ZNF436: variants seen among roughly 807,000 people sequenced by gnomAD.
ZNF436 encodes the protein DNA-binding protein.
Under a neutral mutation model 41.9 loss-of-function variants are expected in ZNF436, and 22 were observed. The ratio of observed to expected loss-of-function variants is 0.53; its 90% confidence interval spans 0.38 to 0.75. ZNF436 has a LOEUF of 0.75. ZNF436 is among the 30% of genes least tolerant of loss of function. ZNF436 has a pLI of 0.00. For synonymous variants in ZNF436, 217 were observed against 197.8 expected (o/e 1.10, Z -0.82); for missense variants, 506 against 587.3 (o/e 0.86, Z 1.43).
chr1:23,368,119 C>A, intron 1 of ZNF436, 54 bp from the exon 2 acceptor site: 2 of 1,227,560 alleles, frequency 1.6e-6, no homozygotes, highest in Non-Finnish European at 1.2e-6. Flanking sequence ...CCTGCCCACT[C>A]CCCAGGGCTG....
Position 23,368,955 on chromosome 1 carries a change from C to T in ZNF436, c.-61+411G>A, listed in dbSNP as rs1638431278. On this transcript the variant is annotated intron_variant, in intron 1 of 3. Transcript: ENST00000314011. ...ACAACTCCCGAGAGGCCCCGCGCCG[C>T]CCCGCGCCGGGGCGACTCGGGAGTG... 5 of 157,014 alleles carry T rather than the reference C, an allele frequency of 3.2e-5. No homozygotes were observed. In the South Asian group the frequency reaches 6.5e-4, roughly 20 times the overall value. 9.7% of individuals were successfully genotyped at this position (157,014 alleles called of 1,614,324 possible).
chr1:23,368,288 G>T, intron 1 of ZNF436: 2 of 443,614 alleles, frequency 4.5e-6, no homozygotes, highest in South Asian at 2.8e-5. Context: ...GGTCCCTCCC[G>T]CGCCGGGGGT....
Position 23,368,266 on chromosome 1 carries a change from GC to G in ZNF436, c.-60-202del, listed in dbSNP as rs1042062252. On this transcript the variant is annotated intron_variant, in intron 1 of 3. Coordinates refer to ENST00000314011, the MANE Select transcript of ZNF436 (RefSeq NM_001077195.2). ...GGCAATGCCGGAATCTACTAGGACA[GC>G]CCCCTGGCTGGGTCCCTCCCGCGCC... 12 of 502,042 alleles carry G rather than the reference GC, an allele frequency of 2.4e-5. No individual in the cohort carries two copies. The Admixed American group carries it at 3.0e-4, about 13-fold the overall frequency. The allele number at this position is 502,042 out of a possible 1,614,324, so 31.1% of individuals were successfully genotyped here. A position where few individuals can be genotyped will look rare whatever the true frequency, so the allele number is the denominator to read the frequency against.
chr1:23,368,102 A>G, intron 1 of ZNF436, 37 bp from the exon 2 acceptor site: 1 of 1,408,052 alleles, frequency 7.1e-7, no homozygotes, highest in Non-Finnish European at 9.9e-7. Flanking sequence ...AGGCACGGAA[A>G]ACAGGCCCTG....
At position 23,367,038 on chromosome 1, in the gene ZNF436, T is replaced by C. The variant is rs1194717535; in HGVS notation, c.160+4A>G. The C allele has an allele frequency of 6.2e-7, 1 of 1,608,730 alleles. No homozygotes were observed. The highest frequency in any genetic ancestry group is 1.3e-5 in the African/African-American group (1 of 74,734). ...AGGCAAAGAAAGGTAGAATCCTTAC[T>C]TACCTAGTGAGACAACATTTCCATA... On this transcript the variant is annotated splice_donor_region_variant and intron_variant, in intron 3 of 3. Transcript: ENST00000314011.
Position 23,362,541 on chromosome 1 carries a change from T to C in ZNF436, c.841A>G (p.Asn281Asp). Residue 281 changes from asparagine to aspartate, a missense_variant, in exon 4 of 4, where the codon AAC becomes GAC. Asn to Asp is a conservative substitution (Grantham distance 23). This residue lies in a region of ZNF436 where 278 missense variants were observed against 372.1 expected (regional missense o/e 0.75). Transcript: ENST00000314011. ...TCACTGAAGCCTCGGCCACATTCGT[T>C]ACATTCATAAGGTTTCTCACCCGTG... ...THTGEKPYEC[N>D]ECGRGFSERS... is the part of the protein sequence containing the mutation. 6.2e-7 allele frequency: 1 copy of C among 1,613,948 alleles called. No homozygotes were observed.
In ZNF436 at chr1:23,362,644, A is replaced by G. The variant is rs1006952784; in HGVS notation, c.738T>C (p.Gly246=). 6.2e-7 allele frequency: 1 copy of G among 1,613,440 alleles called. No homozygotes were observed. Among genetic ancestry groups the G allele is most frequent in the East Asian group, 2.2e-5 (1 of 44,856 alleles). Residue 246 remains glycine (G), a synonymous_variant, in exon 4 of 4, where the codon GGT becomes GGC. Transcript: ENST00000314011. ...HLIQHQRTHS[G]EKPYECEECG... Reference sequence around the variant, plus strand: ...ACTCCTCACACTCATAGGGTTTCTCACCACTGTGGGTCCTTTGGTGTTGGA... The same window carrying G: ...ACTCCTCACACTCATAGGGTTTCTCGCCACTGTGGGTCCTTTGGTGTTGGA...
At chr1:23,367,417 T>C (rs534370321) in intron 2 of ZNF436, among the ~76,000 whole-genome samples, 1 of 152,338 alleles carries the variant, frequency 6.6e-6, no homozygotes, top group Admixed American at 6.5e-5. Context: ...TCTCAGGACA[T>C]ATCTGGCACT....
In ZNF436 at chr1:23,369,361, C is replaced by T. The variant is rs770273554; in HGVS notation, c.-61+5G>A. ...AAAACCCGAGTGGGGGACGAACAGACTTACCTCCTGTCCCGCAAAAGATCC... is the reference window on the plus strand; with the variant it reads ...AAAACCCGAGTGGGGGACGAACAGATTTACCTCCTGTCCCGCAAAAGATCC... On this transcript the variant is annotated splice_donor_5th_base_variant and intron_variant, in intron 1 of 3. Coordinates refer to ENST00000314011, the MANE Select transcript of ZNF436 (RefSeq NM_001077195.2). 6 of 534,248 alleles carry T rather than the reference C, an allele frequency of 1.1e-5. No homozygotes were observed. Among genetic ancestry groups the T allele is most frequent in the Admixed American group, 1.9e-5 (1 of 51,594 alleles). 33.1% of individuals were successfully genotyped at this position (534,248 alleles called of 1,614,324 possible). A position where few individuals can be genotyped will look rare whatever the true frequency, so the allele number is the denominator to read the frequency against.
chr1:23,362,974 G>C lies in ZNF436; in HGVS notation c.408C>G (p.Arg136=). 6.2e-7 allele frequency: 1 copy of C among 1,614,156 alleles called. No individual in the cohort carries two copies. The highest frequency in any genetic ancestry group is 1.1e-5 in the South Asian group (1 of 91,082). ...TTCCACAATGAGAACATATATGATA[G>C]CGGATGCCTGTGTGGACTTCTTTGT... ...LVHKEVHTGI[R]YHICSHCGKA... is the part of the protein sequence containing the mutation. Residue 136 remains arginine, a synonymous_variant, in exon 4 of 4, where the codon CGC becomes CGG. Coordinates refer to ENST00000314011, the MANE Select transcript of ZNF436 (RefSeq NM_001077195.2).
At chr1:23,365,736 A>C (rs4525087) in intron 3 of ZNF436, among the ~76,000 whole-genome samples, 88,710 of 151,382 alleles carry the variant, frequency 0.59, 29,839 homozygotes, top group Non-Finnish European at 0.75. Flanking sequence ...TAATTAATTA[A>C]TTAATTTAAA....
At position 23,369,823 on chromosome 1, in the gene ZNF436, C is replaced by T; in HGVS notation, c.-518G>A. On this transcript the variant is annotated 5_prime_UTR_variant, in exon 1 of 4. Transcript: ENST00000314011. Reference sequence around the variant, plus strand: ...GGAAGAGCTCCCAGCTCGCTGTAGCCTTGGAGAGGGAAGTGATGGAAAAAG... The same window carrying T: ...GGAAGAGCTCCCAGCTCGCTGTAGCTTTGGAGAGGGAAGTGATGGAAAAAG... 1 of 316,888 alleles carries T rather than the reference C, an allele frequency of 3.2e-6. No homozygotes were observed. The highest frequency in any genetic ancestry group is 6.7e-6 in the Non-Finnish European group (1 of 148,380). The allele number at this position is 316,888 out of a possible 1,614,324, so 19.6% of individuals were successfully genotyped here. A position where few individuals can be genotyped will look rare whatever the true frequency, so the allele number is the denominator to read the frequency against.
Position 23,359,811 on chromosome 1 carries a change from G to A in ZNF436, c.*2158C>T, listed in dbSNP as rs1252330203. 1 of 152,674 alleles carries A rather than the reference G, an allele frequency of 6.5e-6. No individual in the cohort carries two copies. Among genetic ancestry groups the A allele is most frequent in the Non-Finnish European group, 1.5e-5 (1 of 68,090 alleles). The allele number at this position is 152,674 out of a possible 1,614,324, so 9.5% of individuals were successfully genotyped here. ...AGATAGCTGGGTGCTTAGAAGCCTT[G>A]TTTTAAGCCCTTCACCTCCAAGAAG... On this transcript the variant is annotated 3_prime_UTR_variant, in exon 4 of 4. Coordinates refer to ENST00000314011, the MANE Select transcript of ZNF436 (RefSeq NM_001077195.2).
At chr1:23,366,548 A>C (rs1570190008) in intron 3 of ZNF436, among the ~76,000 whole-genome samples, 1 of 152,322 alleles carries the variant, frequency 6.6e-6, no homozygotes, top group East Asian at 1.9e-4. Flanking sequence ...CACACTACAA[A>C]TCTATCATCA....
Position 23,362,635 on chromosome 1 carries a change from G to C in ZNF436, c.747C>G (p.Pro249=). 2 of 1,614,150 alleles carry C rather than the reference G, an allele frequency of 1.2e-6. No individual in the cohort carries two copies. The highest frequency in any genetic ancestry group is 1.1e-5 in the South Asian group (1 of 91,084). ...QHQRTHSGEK[P]YECEECGKSF... ...TTTTCCCACACTCCTCACACTCATA[G>C]GGTTTCTCACCACTGTGGGTCCTTT... The change falls in exon 4 of 4, where the codon CCC becomes CCG. Residue 249 remains proline (P), a synonymous_variant. Coordinates refer to ENST00000314011, the MANE Select transcript of ZNF436 (RefSeq NM_001077195.2).
At position 23,367,072 on chromosome 1, in the gene ZNF436, G is replaced by T. The variant is rs1368775882; in HGVS notation, c.130C>A (p.Gln44Lys). 1 of 1,613,724 alleles carries T rather than the reference G, an allele frequency of 6.2e-7. No individual in the cohort carries two copies. The highest frequency in any genetic ancestry group is 1.3e-5 in the African/African-American group (1 of 74,884). Residue 44 changes from glutamine to lysine, a missense_variant, in exon 3 of 4, where the codon CAG becomes AAG. Physicochemically the swap from Gln to Lys is moderately conservative, Grantham distance 53. This residue lies in a region of ZNF436 where 228 missense variants were observed against 215.1 expected (regional missense o/e 1.06). Transcript: ENST00000314011. ...AQRDLYRDVM[Q>K]ENYGNVVSLD... Reference sequence around the variant, plus strand: ...GAGACAACATTTCCATAATTCTCCTGCATAACATCCCGGTAAAGGTCCCTC... The same window carrying T: ...GAGACAACATTTCCATAATTCTCCTTCATAACATCCCGGTAAAGGTCCCTC...
chr1:23,362,628 A>G lies in ZNF436; in HGVS notation c.754T>C (p.Cys252Arg). 1 of 1,614,086 alleles carries G rather than the reference A, an allele frequency of 6.2e-7. No individual in the cohort carries two copies. Among genetic ancestry groups the G allele is most frequent in the Non-Finnish European group, 8.5e-7 (1 of 1,180,030 alleles). ...RTHSGEKPYE[C>R]EECGKSFSRS... is the part of the protein sequence containing the mutation. ...CTGAAGCTTTTCCCACACTCCTCAC[A>G]CTCATAGGGTTTCTCACCACTGTGG... Residue 252 changes from cysteine (C) to arginine (R), a missense_variant, in exon 4 of 4, where the codon TGT (cysteine) becomes CGT (arginine). Transcript: ENST00000314011.
Position 23,367,130 on chromosome 1 carries a change from G to C in ZNF436, c.72C>G (p.Thr24=). ...CGTCCAGAGGTCTCCATTCTTCCCG[G>C]GTGAGATACATGGCCATATCTTCAA... ...VTFEDMAMYL[T]REEWRPLDAA... Residue 24 remains threonine, a synonymous_variant, in exon 3 of 4, where the codon ACC becomes ACG. Transcript: ENST00000314011. 1 of 1,613,436 alleles carries C rather than the reference G, an allele frequency of 6.2e-7. No homozygotes were observed. The highest frequency in any genetic ancestry group is 1.1e-5 in the South Asian group (1 of 90,966).
At chr1:23,368,567 CAAG>C (rs1231906571) in intron 1 of ZNF436, among the ~76,000 whole-genome samples, 1 of 152,192 alleles carries the variant, frequency 6.6e-6, no homozygotes, top group Non-Finnish European at 1.5e-5. Flanking sequence ...GGCCAAAAGC[CAAG>C]GAGGGAAAAG....
Sources: allele counts gnomAD v4.1 joint callset (sites outside exome capture counted in the v4.1 genomes callset), GRCh38; gene constraint gnomAD v4.1.1; regional missense constraint gnomAD v4.1.1; transcripts MANE v1.5; gene names NCBI Gene and HGNC (gene_info 2026-07-23, HGNC 2026-07-21).